The following UXS1 variants were observed in gnomAD, a reference collection of about 807,000 sequenced individuals.
UXS1 encodes the protein UDP-glucuronate decarboxylase 1.
A neutral mutation model predicts 62.6 loss-of-function variants in UXS1; 33 were observed. The ratio of observed to expected loss-of-function variants is 0.53; its 90% CI spans 0.40 to 0.70. The LOEUF (loss-of-function observed/expected upper bound fraction) is 0.70, where lower values mean the gene tolerates loss of function less well. UXS1 is among the 30% of genes least tolerant of loss of function. The probability of loss-of-function intolerance (pLI) is 0.00; values close to 1 mark genes in which losing one functional copy is unlikely to be tolerated. For synonymous variants in UXS1, 213 were observed against 206.8 expected, an observed-to-expected ratio of 1.03 and a Z score of -0.26; for missense variants, 434 against 556.3, an observed-to-expected ratio of 0.78 and a Z score of 2.21.
intron 6 of UXS1, chr2:106,138,342 A>G: frequency 5.1e-6 from 5 of 985,548 alleles, no homozygotes; most frequent in Non-Finnish European, 6.0e-6. Context: ...AGATTCACAC[A>G]TGCCTTCCTC....
intron 4 of UXS1, chr2:106,160,525 G>A (rs751781142): frequency 5.9e-5 from 9 of 152,326 alleles, no homozygotes; most frequent in Non-Finnish European, 1.0e-4. Context: ...AAAACGCGGT[G>A]CAGGGAGAAA....
At chr2:106,177,847 C>G (rs1054244110) in intron 1 of UXS1, among the ~76,000 whole-genome samples, 9 of 152,196 alleles carry the variant, frequency 5.9e-5, no homozygotes, top group African/African-American at 2.2e-4. Flanking sequence ...GCTCCCAAAG[C>G]AGAAACTCTG....
chr2:106,178,596 A>G (rs935414682), intron 1 of UXS1, among the ~76,000 whole-genome samples: 3 of 151,782 alleles, frequency 2.0e-5, no homozygotes, highest in Non-Finnish European at 4.4e-5. Context: ...ATGTACATGT[A>G]TGTGTGTGTA....
At chr2:106,175,020 C>G (rs1423063223) in intron 1 of UXS1, among the ~76,000 whole-genome samples, 4 of 152,208 alleles carry the variant, frequency 2.6e-5, no homozygotes, top group Non-Finnish European at 5.9e-5. Flanking sequence ...CCACGTGGCA[C>G]ATGCTCAAAC....
intron 1 of UXS1, among the ~76,000 whole-genome samples, chr2:106,173,660 G>A (rs4567955): frequency 0.34 from 52,152 of 152,192 alleles, 9,492 homozygotes; most frequent in Non-Finnish European, 0.4. Flanking sequence ...TACCACTGGA[G>A]AGTGAACACA....
At chr2:106,190,728 A>T (rs1411450663) in intron 1 of UXS1, among the ~76,000 whole-genome samples, 1 of 138,088 alleles carries the variant, frequency 7.2e-6, no homozygotes, top group Admixed American at 7.7e-5. Flanking sequence ...GGGCAACAAA[A>T]GCGAAACTCT....
At position 106,093,946 on chromosome 2, in the gene UXS1, T is replaced by C; in HGVS notation, c.*80A>G. Reference sequence around the variant, plus strand: ...TTCATGACACCTGTTAAAGTCTTTCTTTAAACGACAACAAAAAAAAGCCAA... The same window carrying C: ...TTCATGACACCTGTTAAAGTCTTTCCTTAAACGACAACAAAAAAAAGCCAA... On this transcript the variant is annotated 3_prime_UTR_variant, in exon 15 of 15. Transcript: ENST00000283148. 1 of 1,467,898 alleles carries C rather than the reference T, an allele frequency of 6.8e-7. No individual in the cohort carries two copies. The highest frequency in any genetic ancestry group is 9.0e-7 in the Non-Finnish European group (1 of 1,113,034). The allele number at this position is 1,467,898 out of a possible 1,614,324, so 90.9% of individuals were successfully genotyped here. A position where few individuals can be genotyped will look rare whatever the true frequency, so the allele number is the denominator to read the frequency against.
Position 106,145,245 on chromosome 2 carries a change from T to A in UXS1, c.417A>T (p.Gly139=). 1 of 1,613,984 alleles carries A rather than the reference T, an allele frequency of 6.2e-7. No homozygotes were observed. The highest frequency in any genetic ancestry group is 8.5e-7 in the Non-Finnish European group (1 of 1,179,872). Residue 139 remains glycine (G), a synonymous_variant, in exon 6 of 15, where the codon GGA becomes GGT. Transcript: ENST00000283148. Reference sequence around the variant, plus strand: ...GGTTAATCAACTCGAAGTTCTCATGTCCGATCCAGTGCTCCACGTTTCTCT... The same window carrying A: ...GGTTAATCAACTCGAAGTTCTCATGACCGATCCAGTGCTCCACGTTTCTCT... ...GRKRNVEHWI[G]HENFELINHD...
chr2:106,146,772 C>CAAA (rs55896853), intron 5 of UXS1, among the ~76,000 whole-genome samples: 1,158 of 44,330 alleles, frequency 0.026, 72 homozygotes, highest in African/African-American at 0.053. Flanking sequence ...GACTCCATCT[C>CAAA]AAAAAAAAAA....
Position 106,125,736 on chromosome 2 carries a change from T to C in UXS1, c.578-57A>G, listed in dbSNP as rs1028904347. 1.4e-5 allele frequency: 21 copies of C among 1,455,816 alleles called. No individual in the cohort carries two copies. The African/African-American group carries it at 2.8e-4, about 20-fold the overall frequency. The allele number at this position is 1,455,816 out of a possible 1,614,324, so 90.2% of individuals were successfully genotyped here. A position where few individuals can be genotyped will look rare whatever the true frequency, so the allele number is the denominator to read the frequency against. ...TGAATTTACATGTGCAGGCACATTT[T>C]TTGCTGGCCAATTTAAGCAATGTTT... On this transcript the variant is annotated intron_variant, in intron 7 of 14. Transcript: ENST00000283148.
In UXS1 at chr2:106,096,725, TC is replaced by T; in HGVS notation, c.1138del (p.Glu380SerfsTer10). ...IKKAKLMLGW[E>X]PVVPLEEGLN... is the part of the protein sequence containing the mutation. ...TTAACTCCCTGCACTTACCACGGGC[TC>T]CCACCCCAGCATCAGCTTTGCTTTT... On this transcript the variant is annotated frameshift_variant, in exon 14 of 15. Transcript: ENST00000283148. LOFTEE classifies it high-confidence loss of function. 6.4e-7 allele frequency: 1 copy of T among 1,570,908 alleles called. No individual in the cohort carries two copies.
chr2:106,123,600 G>A (rs1679702072), intron 8 of UXS1, among the ~76,000 whole-genome samples: 1 of 152,174 alleles, frequency 6.6e-6, no homozygotes, highest in Admixed American at 6.5e-5. Context: ...GTGGAGGGAC[G>A]GGGTGCCCCT....
intron 4 of UXS1, among the ~76,000 whole-genome samples, chr2:106,159,550 TGA>T (rs1188179861): frequency 6.6e-6 from 1 of 152,140 alleles, no homozygotes; most frequent in Non-Finnish European, 1.5e-5. Context: ...AAACGTCCAG[TGA>T]GAGGTAATAA....
intron 9 of UXS1, among the ~76,000 whole-genome samples, chr2:106,120,548 T>C (rs778316702): frequency 1.3e-5 from 2 of 152,180 alleles, no homozygotes; most frequent in African/African-American, 4.8e-5. Flanking sequence ...CCTCAGCACA[T>C]GTGCTAAGTA....
chr2:106,137,707 A>C (rs1034317299), intron 6 of UXS1, among the ~76,000 whole-genome samples: 1 of 152,158 alleles, frequency 6.6e-6, no homozygotes, highest in African/African-American at 2.4e-5. Flanking sequence ...AGGCAGGAGA[A>C]TCACTTGAAC....
chr2:106,103,213 GAA>G (rs1677738991), intron 11 of UXS1, among the ~76,000 whole-genome samples: 1 of 152,246 alleles, frequency 6.6e-6, no homozygotes, highest in Admixed American at 6.5e-5. Flanking sequence ...CTAGCAAAAA[GAA>G]AAGTCTCTGA....
intron 1 of UXS1, among the ~76,000 whole-genome samples, chr2:106,166,802 C>T (rs775704705): frequency 1.3e-5 from 2 of 150,996 alleles, no homozygotes; most frequent in Non-Finnish European, 2.9e-5. Context: ...GGACTGCAGG[C>T]GTACGCCATC....
At chr2:106,126,213 T>C (rs1679933817) in intron 7 of UXS1, among the ~76,000 whole-genome samples, 1 of 152,186 alleles carries the variant, frequency 6.6e-6, no homozygotes, top group Admixed American at 6.5e-5. Flanking sequence ...AATTCTGCTC[T>C]GAACCCCTTT....
intron 5 of UXS1, among the ~76,000 whole-genome samples, chr2:106,149,111 A>C (rs1681813926): frequency 6.6e-6 from 1 of 152,244 alleles, no homozygotes; most frequent in South Asian, 2.1e-4. Context: ...AAAGGCTTTA[A>C]GTTATAGCAA....
Sources: gnomAD v4.1 joint callset for allele counts (sites outside exome capture counted in the v4.1 genomes callset) on GRCh38, gnomAD v4.1.1 for gene constraint, MANE v1.5 for transcripts, NCBI Gene and HGNC (gene_info 2026-07-23, HGNC 2026-07-21) for gene names.